ZNF253: variants seen among roughly 807,000 people sequenced by gnomAD.
The protein encoded by ZNF253 is zinc finger protein 253.
In ZNF253, 8 loss-of-function variants were observed where a neutral mutation model predicts 11.9. The ratio of observed to expected loss-of-function variants is 0.67; its 90% CI spans 0.40 to 1.22. ZNF253 has a LOEUF of 1.22. Ranked by LOEUF, ZNF253 falls within the 50% of genes most tolerant of loss-of-function variation. ZNF253 has a pLI of 0.01. For synonymous variants in ZNF253, 194 were observed against 194.9 expected (o/e 1.00, Z 0.04); for missense variants, 485 against 586.9 (o/e 0.83, Z 1.79).
chr19:19,883,214 A>AT (rs1184936432), intron 3 of ZNF253, among the ~76,000 whole-genome samples: 1 of 152,104 alleles, frequency 6.6e-6, no homozygotes, highest in Non-Finnish European at 1.5e-5. Flanking sequence ...TTTGAAGGTA[A>AT]TTTTCAAAAG....
intron 3 of ZNF253, among the ~76,000 whole-genome samples, chr19:19,888,939 T>C (rs1050873712): frequency 1.3e-5 from 2 of 152,180 alleles, no homozygotes; most frequent in Non-Finnish European, 2.9e-5. Flanking sequence ...TTGGAAGGAC[T>C]CCTTTTTATA....
intron 3 of ZNF253, among the ~76,000 whole-genome samples, chr19:19,884,631 C>CA (rs1453397510): frequency 6.6e-6 from 1 of 152,088 alleles, no homozygotes; most frequent in African/African-American, 2.4e-5. Flanking sequence ...CTTGGCCTCC[C>CA]AGTGTGCTAT....
At chr19:19,871,515 T>C (rs559694579) in intron 1 of ZNF253, among the ~76,000 whole-genome samples, 1 of 152,214 alleles carries the variant, frequency 6.6e-6, no homozygotes, top group Non-Finnish European at 1.5e-5. Context: ...GCCATTTTTG[T>C]AGCAGAGTGA....
chr19:19,890,498 T>TGTGTG (rs1555778368), intron 3 of ZNF253, among the ~76,000 whole-genome samples: 1 of 140,952 alleles, frequency 7.1e-6, no homozygotes, highest in African/African-American at 2.6e-5. Flanking sequence ...CAATTTATAT[T>TGTGTG]TGTGTGTGTG....
intron 1 of ZNF253, among the ~76,000 whole-genome samples, chr19:19,868,137 G>A (rs2063119050): frequency 6.6e-6 from 1 of 151,416 alleles, no homozygotes; most frequent in South Asian, 2.1e-4. Context: ...TTTTTATTCT[G>A]TAGGTTGTCT....
chr19:19,882,192 T>TAAA lies in ZNF253; in HGVS notation c.226+2058_226+2060dup, dbSNP rs57408628. On this transcript the variant is annotated intron_variant, in intron 3 of 3. Transcript: ENST00000589717. ...CAACAAGAGCGAAACTCCGTCTCAA[T>TAAA]AAAAAAAAAAAAAAGAAGAAGAAGA... Among the ~76,000 whole-genome samples the TAAA allele has an allele frequency of 1.1e-3, 149 of 136,120 alleles. No homozygotes were observed. In the East Asian group the frequency reaches 0.029, roughly 27 times the overall value. The allele number at this position is 136,120 out of a possible 152,430, so 89.3% of individuals were successfully genotyped here. A position where few individuals can be genotyped will look rare whatever the true frequency, so the allele number is the denominator to read the frequency against.
chr19:19,878,488 T>G lies in ZNF253; in HGVS notation c.11T>G (p.Leu4Trp), dbSNP rs765542664. 1.9e-6 allele frequency: 3 copies of G among 1,613,950 alleles called. 1 individual carries two copies. The South Asian group carries it at 3.3e-5, about 18-fold the overall frequency. Residue 4 changes from leucine to tryptophan, a missense_variant, in exon 2 of 4, where the codon TTG becomes TGG. This residue lies in a region of ZNF253 where 35 missense variants were observed against 52.4 expected (regional missense o/e 0.67). Transcript: ENST00000589717. ...TGTGTGTGTGTTTTCCAGGGACCAT[T>G]GCAATTTAGAGATGTGGCCATAGAA... MGP[L>W]QFRDVAIEFS...
intron 3 of ZNF253, among the ~76,000 whole-genome samples, chr19:19,891,164 T>C (rs1044247288): frequency 5.9e-5 from 9 of 152,174 alleles, no homozygotes; most frequent in African/African-American, 2.2e-4. Context: ...AAAAGCACAA[T>C]GTTATACTGG....
At chr19:19,872,930 A>G (rs1181349417) in intron 1 of ZNF253, among the ~76,000 whole-genome samples, 1 of 152,052 alleles carries the variant, frequency 6.6e-6, no homozygotes, top group South Asian at 2.1e-4. Flanking sequence ...GGTGGATCCT[A>G]CCTAGAATCT....
intron 1 of ZNF253, among the ~76,000 whole-genome samples, chr19:19,871,670 A>G (rs186157007): frequency 1.3e-5 from 2 of 152,298 alleles, no homozygotes; most frequent in Admixed American, 6.5e-5. Context: ...TGAACTATGT[A>G]TGACATGGTG....
At chr19:19,885,638 G>A (rs553369407) in intron 3 of ZNF253, among the ~76,000 whole-genome samples, 1 of 151,758 alleles carries the variant, frequency 6.6e-6, no homozygotes, top group Admixed American at 6.6e-5. Flanking sequence ...TGATCCGTCC[G>A]CCTCGGCCTC....
At position 19,892,590 on chromosome 19, in the gene ZNF253, G is replaced by T; in HGVS notation, c.1343G>T (p.Gly448Val). 6.2e-7 allele frequency: 1 copy of T among 1,613,950 alleles called. No homozygotes were observed. The highest frequency in any genetic ancestry group is 8.5e-7 in the Non-Finnish European group (1 of 1,179,930). Residue 448 changes from glycine to valine, a missense_variant, in exon 4 of 4, where the codon GGA becomes GTA. Gly to Val is a moderately radical substitution (Grantham distance 109). This residue lies in a region of ZNF253 where 232 missense variants were observed against 321.4 expected (regional missense o/e 0.72). Transcript: ENST00000589717. ...ACTACACATAAGAGAATTCATACTG[G>T]AGAGAAACCTTACAAATGTGAAGAA... ...TLTTHKRIHT[G>V]EKPYKCEECG... is the part of the protein sequence containing the mutation.
chr19:19,866,762 T>A (rs529312822), intron 1 of ZNF253, among the ~76,000 whole-genome samples: 3 of 152,228 alleles, frequency 2.0e-5, no homozygotes, highest in East Asian at 3.9e-4. Flanking sequence ...CCTCCCAGTT[T>A]GAAAGGGGTT....
intron 3 of ZNF253, 55 bp from the exon 4 acceptor site, chr19:19,891,419 G>A: frequency 7.2e-7 from 1 of 1,383,894 alleles, no homozygotes; most frequent in Admixed American, 2.6e-5. Flanking sequence ...GATTTGTAAT[G>A]TATATTTATC....
rs1050126514 is a variant in ZNF253, at chr19:19,894,094, C to T, written c.*1347C>T. On this transcript the variant is annotated 3_prime_UTR_variant, in exon 4 of 4. Coordinates refer to ENST00000589717, the MANE Select transcript of ZNF253 (RefSeq NM_021047.3). ...AGAATTTTCCATAGAATAATTAAGG[C>T]ACTGACACTTCAGACATTACACTAA... The T allele has an allele frequency of 6.6e-6, 1 of 152,160 alleles. No homozygotes were observed. Among genetic ancestry groups the T allele is most frequent in the Non-Finnish European group, 1.5e-5 (1 of 68,030 alleles). 9.4% of individuals were successfully genotyped at this position (152,160 alleles called of 1,614,324 possible).
intron 1 of ZNF253, among the ~76,000 whole-genome samples, chr19:19,872,567 A>C (rs1158463841): frequency 1.8e-5 from 2 of 114,284 alleles, no homozygotes; most frequent in African/African-American, 5.2e-5. Flanking sequence ...ATAACTATAT[A>C]TATATATATA....
In ZNF253 at chr19:19,893,869, C is replaced by T. The variant is rs1262836961; in HGVS notation, c.*1122C>T. On this transcript the variant is annotated 3_prime_UTR_variant, in exon 4 of 4. Transcript: ENST00000589717. ...GTAGTACTAGAGGAAAACCCTGAAG[C>T]AGTTGCTCAAGCTTTGTTTCAGGGA... 6 of 152,288 alleles carry T rather than the reference C, an allele frequency of 3.9e-5. No homozygotes were observed. The highest frequency in any genetic ancestry group is 8.8e-5 in the Non-Finnish European group (6 of 68,034). 9.4% of individuals were successfully genotyped at this position (152,288 alleles called of 1,614,324 possible).
At chr19:19,876,814 CT>C (rs528999574) in intron 1 of ZNF253, among the ~76,000 whole-genome samples, 4 of 149,824 alleles carry the variant, frequency 2.7e-5, no homozygotes, top group Admixed American at 6.7e-5. Context: ...TCTACTTTTG[CT>C]TTTTTTTTAA....
intron 3 of ZNF253, among the ~76,000 whole-genome samples, chr19:19,889,031 C>T (rs1477054246): frequency 6.6e-6 from 1 of 152,030 alleles, no homozygotes; most frequent in East Asian, 1.9e-4. Flanking sequence ...TAAGACTATG[C>T]TTATAAATGA....
Sources: gnomAD v4.1 joint callset for allele counts (sites outside exome capture counted in the v4.1 genomes callset) on GRCh38, gnomAD v4.1.1 for gene constraint, gnomAD v4.1.1 regional missense constraint, MANE v1.5 for transcripts, NCBI Gene and HGNC (gene_info 2026-07-23, HGNC 2026-07-21) for gene names.